The following CDK6 variants were observed in gnomAD, a reference collection of about 807,000 sequenced individuals.
The protein encoded by CDK6 is cyclin dependent kinase 6, also known as cyclin-dependent kinase 6.
CDK6 carries 6 observed loss-of-function variants against 37.1 expected under a neutral mutation model. The ratio of observed to expected loss-of-function variants is 0.16; its 90% CI spans 0.09 to 0.32. The LOEUF (loss-of-function observed/expected upper bound fraction) is 0.32, where lower values mean the gene tolerates loss of function less well. CDK6 is among the 10% of genes least tolerant of loss of function. The pLI is 1.00. For synonymous variants in CDK6, 160 were observed against 161.3 expected, an observed-to-expected ratio of 0.99 and a Z score of 0.06; for missense variants, 224 against 418.9, an observed-to-expected ratio of 0.53 and a Z score of 4.06.
At chr7:92,805,788 C>T (rs188878127) in intron 2 of CDK6, among the ~76,000 whole-genome samples, 1 of 152,226 alleles carries the variant, frequency 6.6e-6, no homozygotes. Flanking sequence ...CAATAAAATC[C>T]CTCTTTCTTG....
At chr7:92,779,884 CT>C (rs985074362) in intron 2 of CDK6, among the ~76,000 whole-genome samples, 2 of 151,922 alleles carry the variant, frequency 1.3e-5, no homozygotes, top group African/African-American at 4.8e-5. Context: ...ATTTATGATG[CT>C]TTTTTTTGTC....
intron 2 of CDK6, among the ~76,000 whole-genome samples, chr7:92,823,677 A>T (rs561772858): frequency 6.6e-6 from 1 of 152,150 alleles, no homozygotes; most frequent in South Asian, 2.1e-4. Context: ...GTTGAAATGT[A>T]TACTATATCA....
chr7:92,789,733 AAT>A, intron 2 of CDK6, among the ~76,000 whole-genome samples: 1 of 152,316 alleles, frequency 6.6e-6, no homozygotes, highest in Middle Eastern at 3.4e-3. Flanking sequence ...GCAGGGATTT[AAT>A]ATATGGAAAC....
At chr7:92,665,256 C>A (rs1275257334) in intron 5 of CDK6, among the ~76,000 whole-genome samples, 1 of 150,364 alleles carries the variant, frequency 6.7e-6, no homozygotes, top group Non-Finnish European at 1.5e-5. Flanking sequence ...CAATCTATCA[C>A]AACCATCCAA....
chr7:92,774,672 A>G, intron 3 of CDK6, 24 bp downstream of exon 3: 1 of 1,567,124 alleles, frequency 6.4e-7, no homozygotes, highest in Non-Finnish European at 8.6e-7. Flanking sequence ...CTGCCTGATA[A>G]GACATGAAGA....
intron 3 of CDK6, among the ~76,000 whole-genome samples, chr7:92,758,661 G>C (rs71517471): frequency 3.3e-5 from 5 of 152,184 alleles, no homozygotes; most frequent in Admixed American, 3.3e-4. Flanking sequence ...TTTTCTCCTA[G>C]TTCTGTGAAG....
In CDK6 at chr7:92,750,729, G is replaced by A. The variant is rs190442582; in HGVS notation, c.369+23967C>T. ...GATGGAATGACCTGACAGAACAACT[G>A]GAATGCTGGTTTTGAAAATGTCTTG... On this transcript the variant is annotated intron_variant, in intron 3 of 7. Transcript: ENST00000424848. Among the ~76,000 whole-genome samples, 8 of 152,250 alleles carry A rather than the reference G, an allele frequency of 5.3e-5. No individual in the cohort carries two copies. In the East Asian group the frequency reaches 9.6e-4, roughly 18 times the overall value.
intron 5 of CDK6, among the ~76,000 whole-genome samples, chr7:92,656,666 C>T (rs752169094): frequency 2.9e-4 from 44 of 152,110 alleles, no homozygotes; most frequent in Admixed American, 1.5e-3. Flanking sequence ...GGTCCAAGCC[C>T]CAGCTAGAAT....
intron 2 of CDK6, among the ~76,000 whole-genome samples, chr7:92,830,748 T>A (rs1013756647): frequency 1.3e-5 from 2 of 152,198 alleles, no homozygotes; most frequent in African/African-American, 4.8e-5. Context: ...CTGTAGCTCA[T>A]GAGGGTGACA....
intron 4 of CDK6, among the ~76,000 whole-genome samples, chr7:92,686,245 C>T (rs1797450300): frequency 6.6e-6 from 1 of 152,120 alleles, no homozygotes; most frequent in Non-Finnish European, 1.5e-5. Flanking sequence ...GAGTAGTGTA[C>T]ACTGTACCCA....
intron 5 of CDK6, among the ~76,000 whole-genome samples, chr7:92,665,783 C>T (rs1796942884): frequency 6.6e-6 from 1 of 152,162 alleles, no homozygotes; most frequent in Non-Finnish European, 1.5e-5. Context: ...AAAAATATGG[C>T]CTAGTAGGTC....
chr7:92,669,201 GATGAATTAGCACA>G (rs1241613737), intron 5 of CDK6, among the ~76,000 whole-genome samples: 1 of 152,186 alleles, frequency 6.6e-6, no homozygotes, highest in Non-Finnish European at 1.5e-5. Flanking sequence ...AAAAAATTTT[GATGAATTAGCACA>G]ATGGGTGTTT....
chr7:92,828,221 TAG>T (rs759969744), intron 2 of CDK6, among the ~76,000 whole-genome samples: 126 of 152,190 alleles, frequency 8.3e-4, no homozygotes, highest in Admixed American at 1.4e-3. Flanking sequence ...AATACTCTTG[TAG>T]AGATATACTT....
chr7:92,636,050 A>C (rs980421863), intron 5 of CDK6, among the ~76,000 whole-genome samples: 1 of 152,128 alleles, frequency 6.6e-6, no homozygotes, highest in African/African-American at 2.4e-5. Flanking sequence ...AAATATTTTT[A>C]AATTTGTTAT....
chr7:92,783,610 T>C (rs185613319), intron 2 of CDK6, among the ~76,000 whole-genome samples: 1 of 152,344 alleles, frequency 6.6e-6, no homozygotes, highest in East Asian at 1.9e-4. Context: ...CCTGGCACTG[T>C]GGCTCTAGGA....
At chr7:92,663,937 A>G (rs562232189) in intron 5 of CDK6, among the ~76,000 whole-genome samples, 1 of 151,962 alleles carries the variant, frequency 6.6e-6, no homozygotes, top group Admixed American at 6.6e-5. Context: ...GCGGATCAGG[A>G]GGTCAGGAGA....
Position 92,623,647 on chromosome 7 carries a change from T to G in CDK6, c.648-561A>C, listed in dbSNP as rs1585344024. On this transcript the variant is annotated intron_variant, in intron 5 of 7. Coordinates refer to ENST00000424848, the MANE Select transcript of CDK6 (RefSeq NM_001145306.2). ...CAAGTTCTAAATCTTAACTCTGGGC[T>G]TTAGAGGCAATTGTGTCTGCTTCAA... Among the ~76,000 whole-genome samples, 3 of 152,276 alleles carry G rather than the reference T, an allele frequency of 2.0e-5. No homozygotes were observed. The East Asian group carries it at 5.8e-4, about 29-fold the overall frequency.
At chr7:92,641,042 G>C (rs1025758175) in intron 5 of CDK6, among the ~76,000 whole-genome samples, 6 of 152,060 alleles carry the variant, frequency 3.9e-5, no homozygotes, top group African/African-American at 1.4e-4. Context: ...AATTTTACAA[G>C]AAAATTAAAA....
At chr7:92,824,179 C>T (rs1801252440) in intron 2 of CDK6, among the ~76,000 whole-genome samples, 1 of 150,048 alleles carries the variant, frequency 6.7e-6, no homozygotes, top group African/African-American at 2.4e-5. Flanking sequence ...GATTAGTGCC[C>T]CTAAAAAAGA....
Sources: gnomAD v4.1 joint callset for allele counts (sites outside exome capture counted in the v4.1 genomes callset) on GRCh38, gnomAD v4.1.1 for gene constraint, MANE v1.5 for transcripts, NCBI Gene and HGNC (gene_info 2026-07-23, HGNC 2026-07-21) for gene names.